XDH: variants seen among roughly 807,000 people sequenced by gnomAD.
The protein encoded by XDH is xanthine dehydrogenase, also known as xanthine dehydrogenase/oxidase.
XDH carries 138 observed loss-of-function variants against 156.1 expected under a neutral mutation model. The observed-to-expected ratio is 0.88, with a 90% CI of 0.77 to 1.02. The LOEUF (loss-of-function observed/expected upper bound fraction) is 1.02, where lower values mean the gene tolerates loss of function less well. XDH is among the 50% of genes least tolerant of loss of function. The pLI, the probability that XDH is intolerant of heterozygous loss-of-function variation, is 0.00. For missense variants in XDH, 1,849 were observed against 1,684.9 expected (o/e 1.10, Z -1.71); for synonymous variants, 669 against 625.7 (o/e 1.07, Z -1.03).
At chr2:31,413,694 T>G (rs1687400223) in intron 1 of XDH, among the ~76,000 whole-genome samples, 1 of 152,188 alleles carries the variant, frequency 6.6e-6, no homozygotes, top group South Asian at 2.1e-4. Flanking sequence ...ATTGCCCTTC[T>G]TTGGGGGACA....
intron 13 of XDH, among the ~76,000 whole-genome samples, chr2:31,378,051 A>AAAGG (rs1435136147): frequency 8.5e-6 from 1 of 117,154 alleles, no homozygotes; most frequent in East Asian, 2.5e-4. Flanking sequence ...AAAGAGAAAG[A>AAAGG]AAGGAAGAAA....
intron 1 of XDH, among the ~76,000 whole-genome samples, chr2:31,412,294 C>T (rs377159210): frequency 2.8e-4 from 42 of 152,344 alleles, no homozygotes; most frequent in African/African-American, 9.6e-4. Flanking sequence ...TATTCGACTT[C>T]TTGCATCGAA....
rs1375969061 is a variant in XDH at position 31,366,108 on chromosome 2, C to T, written c.2324G>A (p.Ser775Asn). 2.5e-6 allele frequency: 4 copies of T among 1,614,120 alleles called. No homozygotes were observed. Among genetic ancestry groups the T allele is most frequent in the African/African-American group, 2.7e-5 (2 of 74,936 alleles). The change falls in exon 22 of 36, where the codon AGC (serine) becomes AAC (asparagine). Residue 775 changes from serine to asparagine, a missense_variant and splice_region_variant. Transcript: ENST00000379416. Reference sequence around the variant, plus strand: ...AACCCCCAACATTTTTGCAACAAAGCTCTGTGAGTGAAAGACAGAACATTC... The same window carrying T: ...AACCCCCAACATTTTTGCAACAAAGTTCTGTGAGTGAAAGACAGAACATTC... ...VSTQNTMKTQ[S>N]FVAKMLGVPA...
At chr2:31,365,685 A>G in intron 22 of XDH, 141 bp from the exon 23 acceptor site, 1 of 1,072,058 alleles carries the variant, frequency 9.3e-7, no homozygotes, top group Non-Finnish European at 1.4e-6. Context: ...TTTGCCATCT[A>G]GGCACTGTGA....
chr2:31,407,890 G>T (rs1326111917), intron 1 of XDH, among the ~76,000 whole-genome samples: 2 of 152,032 alleles, frequency 1.3e-5, no homozygotes, highest in Non-Finnish European at 2.9e-5. Flanking sequence ...TCAATATCCT[G>T]GTTACAAATC....
chr2:31,378,262 A>G (rs553770726), intron 13 of XDH, among the ~76,000 whole-genome samples: 3 of 152,098 alleles, frequency 2.0e-5, no homozygotes, highest in African/African-American at 7.2e-5. Context: ...CTTGTGCTTT[A>G]AACACATTTT....
At chr2:31,412,048 C>T (rs950424786) in intron 1 of XDH, among the ~76,000 whole-genome samples, 1 of 152,190 alleles carries the variant, frequency 6.6e-6, no homozygotes, top group Non-Finnish European at 1.5e-5. Context: ...TCCTGGACAC[C>T]TTTGGCTGCA....
rs774895937 is a variant in XDH at position 31,398,558 on chromosome 2, C to T, written c.433+15G>A. The stretch of plus-strand genomic sequence containing the variant: ...TTGCCATTCCACCTCCTAGGCTGTG[C>T]CTGAAGGCCCATACCTTGGAAGGCA... On this transcript the variant is annotated intron_variant, in intron 5 of 35. Transcript: ENST00000379416. 24 of 1,613,788 alleles carry T rather than the reference C, an allele frequency of 1.5e-5. No individual in the cohort carries two copies. The highest frequency in any genetic ancestry group is 1.7e-4 in the Middle Eastern group (1 of 6,056).
At chr2:31,378,100 AAG>A (rs375419866) in intron 13 of XDH, among the ~76,000 whole-genome samples, 2 of 61,418 alleles carry the variant, frequency 3.3e-5, no homozygotes, top group Non-Finnish European at 6.2e-5. Flanking sequence ...GAAAGAAAGA[AAG>A]AAAGAAAGGA....
chr2:31,362,747 G>A (rs778436104), intron 24 of XDH, among the ~76,000 whole-genome samples: 10 of 152,152 alleles, frequency 6.6e-5, no homozygotes, highest in African/African-American at 1.2e-4. Flanking sequence ...CTGCCGGGCC[G>A]CCTCCGCCCA....
intron 6 of XDH, among the ~76,000 whole-genome samples, chr2:31,391,993 T>C (rs1472320177): frequency 2.0e-5 from 3 of 152,366 alleles, no homozygotes; most frequent in African/African-American, 2.4e-5. Context: ...TCAATAGTTA[T>C]AGGCCTATTC....
rs773854919 is a variant in XDH, at chr2:31,377,208, G to C, written c.1272C>G (p.Ala424=). Residue 424 remains alanine, a synonymous_variant, in exon 14 of 36, where the codon GCC becomes GCG. Coordinates refer to ENST00000379416, the MANE Select transcript of XDH (RefSeq NM_000379.4). ...EGEYFSAFKQ[A]SRREDDIAKV... ...TGGCAATGTCATCTTCTCTCCGGGA[G>C]GCCTGCTTGAATGCTGAGAAATACT... 1.2e-6 allele frequency: 2 copies of C among 1,614,072 alleles called. No individual in the cohort carries two copies. Among genetic ancestry groups the C allele is most frequent in the Non-Finnish European group, 1.7e-6 (2 of 1,180,032 alleles).
intron 6 of XDH, among the ~76,000 whole-genome samples, chr2:31,391,304 C>A (rs928161934): frequency 3.9e-5 from 6 of 152,084 alleles, no homozygotes; most frequent in Non-Finnish European, 7.4e-5. Flanking sequence ...TATTTCTGGG[C>A]TCTCTATTCT....
chr2:31,366,730 TG>T, intron 21 of XDH, 139 bp downstream of exon 21: 1 of 1,339,864 alleles, frequency 7.5e-7, no homozygotes, highest in Non-Finnish European at 1.1e-6. Flanking sequence ...TGAAAGAGTC[TG>T]GCTCCAGGAC....
chr2:31,335,353 G>A lies in XDH; in HGVS notation c.*605C>T, dbSNP rs766319942. 9 of 159,742 alleles carry A rather than the reference G, an allele frequency of 5.6e-5. No homozygotes were observed. Among genetic ancestry groups the A allele is most frequent in the Non-Finnish European group, 1.1e-4 (8 of 72,014 alleles). 9.9% of individuals were successfully genotyped at this position (159,742 alleles called of 1,614,324 possible). On this transcript the variant is annotated 3_prime_UTR_variant, in exon 36 of 36. Transcript: ENST00000379416. ...GTTGGTTGGATTTTTGTATTATAGA[G>A]TAATCTTGCTTTATGCAGCTTCACA...
chr2:31,380,038 G>A, intron 12 of XDH, 62 bp from the exon 13 acceptor site: 3 of 1,511,616 alleles, frequency 2.0e-6, no homozygotes, highest in South Asian at 2.3e-5. Context: ...CCCCCATGGG[G>A]AGAAAGGATA....
rs560833528 is a variant in XDH, at chr2:31,369,225, C to T, written c.1981-565G>A. Reference sequence around the variant, plus strand: ...GCCTGTAAGACACGTACTTACAAGACATGATACTTTAAGTATCATGTCTTA... The same window carrying T: ...GCCTGTAAGACACGTACTTACAAGATATGATACTTTAAGTATCATGTCTTA... On this transcript the variant is annotated intron_variant, in intron 18 of 35. Coordinates refer to ENST00000379416, the MANE Select transcript of XDH (RefSeq NM_000379.4). Among the ~76,000 whole-genome samples the T allele has an allele frequency of 2.6e-5, 4 of 152,278 alleles. No homozygotes were observed. In the South Asian group the frequency reaches 8.3e-4, roughly 32 times the overall value.
intron 15 of XDH, 53 bp downstream of exon 15, chr2:31,375,327 T>G (rs1173609319): frequency 4.3e-6 from 7 of 1,612,876 alleles, no homozygotes; most frequent in Non-Finnish European, 5.9e-6. Context: ...GACCAACTTC[T>G]TATATCCCCA....
Position 31,345,427 on chromosome 2 carries a change from T to C in XDH, c.3352-691A>G, listed in dbSNP as rs548875943. ...CCTTGGACTATATAATGTGCTTTTT[T>C]GGTATCCCCAAACACTAGCACAGAC... On this transcript the variant is annotated intron_variant, in intron 30 of 35. Transcript: ENST00000379416. 9.8e-5 allele frequency among the ~76,000 whole-genome samples: 15 copies of C among 152,334 alleles called. No individual in the cohort carries two copies. The South Asian group carries it at 3.1e-3, about 32-fold the overall frequency.
Sources: gnomAD v4.1 joint callset for allele counts (sites outside exome capture counted in the v4.1 genomes callset) on GRCh38, gnomAD v4.1.1 for gene constraint, MANE v1.5 for transcripts, NCBI Gene and HGNC (gene_info 2026-07-23, HGNC 2026-07-21) for gene names.